The following ADPGK variants were observed in gnomAD, a reference collection of about 807,000 sequenced individuals.
ADPGK encodes ADP dependent glucokinase.
In ADPGK, 26 loss-of-function variants were observed where a neutral mutation model predicts 42.4. The observed-to-expected ratio is 0.61, with a 90% CI of 0.45 to 0.85. The LOEUF (loss-of-function observed/expected upper bound fraction) is 0.85, where lower values mean the gene tolerates loss of function less well. ADPGK is among the 40% of genes least tolerant of loss of function. ADPGK has a pLI of 0.00. For missense variants in ADPGK, 571 were observed against 627.0 expected, an observed-to-expected ratio of 0.91 and a Z score of 0.95; for synonymous variants, 267 against 252.6, an observed-to-expected ratio of 1.06 and a Z score of -0.54.
chr15:72,751,356 TACAG>T lies in ADPGK; in HGVS notation c.*981_*984del, dbSNP rs1394543418. 1 of 152,568 alleles carries T rather than the reference TACAG, an allele frequency of 6.6e-6. No individual in the cohort carries two copies. Among genetic ancestry groups the T allele is most frequent in the Non-Finnish European group, 1.5e-5 (1 of 68,038 alleles). 9.5% of individuals were successfully genotyped at this position (152,568 alleles called of 1,614,324 possible). A position where few individuals can be genotyped will look rare whatever the true frequency, so the allele number is the denominator to read the frequency against. On this transcript the variant is annotated 3_prime_UTR_variant, in exon 7 of 7. Coordinates refer to ENST00000456471, the MANE Select transcript of ADPGK (RefSeq NM_001365225.1). ...AGTGGTGATGGAGACAAAAATCAAT[TACAG>T]ACAGAATTCCTGAAATGTAAATTGT...
In ADPGK at chr15:72,764,500, A is replaced by C. The variant is rs529710279; in HGVS notation, c.523-3973T>G. ...AGCTGCAAAAGAAAAGTCAGAAGCT[A>C]GCAGAGGTTGGTTCATGAGGTTTAA... On this transcript the variant is annotated intron_variant, in intron 3 of 6. Transcript: ENST00000456471. Among the ~76,000 whole-genome samples, 5 of 152,336 alleles carry C rather than the reference A, an allele frequency of 3.3e-5. No individual in the cohort carries two copies. In the South Asian group the frequency reaches 8.3e-4, roughly 25 times the overall value.
chr15:72,778,982 G>A (rs1157639032), intron 1 of ADPGK, among the ~76,000 whole-genome samples: 1 of 152,150 alleles, frequency 6.6e-6, no homozygotes, highest in Non-Finnish European at 1.5e-5. Context: ...CAGCTGAGAA[G>A]AGTGAGGCCA....
Position 72,775,000 on chromosome 15 carries a change from A to T in ADPGK, c.331T>A (p.Ser111Thr). The T allele has an allele frequency of 6.2e-7, 1 of 1,614,150 alleles. No homozygotes were observed. Residue 111 changes from serine (S) to threonine (T), a missense_variant, in exon 2 of 7, where the codon TCA (serine) becomes ACA (threonine). Physicochemically the swap from Ser to Thr is moderately conservative, Grantham distance 58. Around this residue, in one of 2 missense-constraint regions of ADPGK, gnomAD observed 434 missense variants for 522.7 expected, o/e 0.83. Transcript: ENST00000456471. ...AAGGCTTCTTCCAGATCATTCCTTG[A>T]ATGCAGAATGCTGTGATCTTTCCCA... ...GNGKDHSILH[S>T]RNDLEEAFIH...
rs767421918 is a variant in ADPGK, at chr15:72,756,320, C to T, written c.771G>A (p.Leu257=). The T allele has an allele frequency of 4.3e-6, 7 of 1,614,220 alleles. No homozygotes were observed. The Admixed American group carries it at 1.0e-4, about 23-fold the overall frequency. The change falls in exon 5 of 7, where the codon CTG becomes CTA. Residue 257 remains leucine, a synonymous_variant. Transcript: ENST00000456471. Reference sequence around the variant, plus strand: ...TCATGTGCAATCCAGAGAGGACCACCAGGTCTGGCTGAAACTCCTCCAGGC... The same window carrying T: ...TCATGTGCAATCCAGAGAGGACCACTAGGTCTGGCTGAAACTCCTCCAGGC... The part of the protein sequence containing the change: ...VSSLEEFQPD[L]VVLSGLHMME...
intron 3 of ADPGK, among the ~76,000 whole-genome samples, chr15:72,763,814 C>T (rs1263231037): frequency 6.6e-6 from 1 of 152,214 alleles, no homozygotes; most frequent in African/African-American, 2.4e-5. Context: ...CATGTGCTCA[C>T]TTCGTGTCTC....
chr15:72,764,938 G>A (rs1427669536), intron 3 of ADPGK, among the ~76,000 whole-genome samples: 2 of 149,658 alleles, frequency 1.3e-5, no homozygotes, highest in Non-Finnish European at 2.9e-5. Flanking sequence ...CTGAATGACA[G>A]CATACCTATT....
At chr15:72,756,742 A>G in intron 4 of ADPGK, 1 of 437,692 alleles carries the variant, frequency 2.3e-6, no homozygotes. Flanking sequence ...TCTCAAACAC[A>G]GGAGAGACAG....
At chr15:72,770,108 G>A (rs2066310632) in intron 3 of ADPGK, among the ~76,000 whole-genome samples, 1 of 152,240 alleles carries the variant, frequency 6.6e-6, no homozygotes, top group Admixed American at 6.5e-5. Flanking sequence ...CTTTGAGAGT[G>A]CATACAGGGT....
At chr15:72,778,645 T>C (rs1418353533) in intron 1 of ADPGK, among the ~76,000 whole-genome samples, 1 of 152,206 alleles carries the variant, frequency 6.6e-6, no homozygotes, top group East Asian at 1.9e-4. Flanking sequence ...TTCTAGACCA[T>C]AAGTGCCTCT....
intron 3 of ADPGK, among the ~76,000 whole-genome samples, chr15:72,763,339 T>TTC (rs1491481162): frequency 0.035 from 4,666 of 133,550 alleles, 250 homozygotes; most frequent in African/African-American, 0.13. Flanking sequence ...TTTTTTTTTT[T>TTC]GTATTTTTAG....
At position 72,778,253 on chromosome 15, in the gene ADPGK, A is replaced by G. The variant is rs553517594; in HGVS notation, c.234-3156T>C. ...GAGAGAGCAAGACCCTGTCTCAAAA[A>G]AACACTGAACATCTACTACATGCCG... On this transcript the variant is annotated intron_variant, in intron 1 of 6. Coordinates refer to ENST00000456471, the MANE Select transcript of ADPGK (RefSeq NM_001365225.1). Among the ~76,000 whole-genome samples, 3 of 152,290 alleles carry G rather than the reference A, an allele frequency of 2.0e-5. No individual in the cohort carries two copies. In the South Asian group the frequency reaches 6.2e-4, roughly 32 times the overall value.
chr15:72,774,991 C>A lies in ADPGK; in HGVS notation c.340G>T (p.Asp114Tyr). The change falls in exon 2 of 7, where the codon GAT (aspartate) becomes TAT (tyrosine). Residue 114 changes from aspartate to tyrosine, a missense_variant. This residue lies in a region of ADPGK where 434 missense variants were observed against 522.7 expected (regional missense o/e 0.83). Coordinates refer to ENST00000456471, the MANE Select transcript of ADPGK (RefSeq NM_001365225.1). ...AAGTGAATGAAGGCTTCTTCCAGAT[C>A]ATTCCTTGAATGCAGAATGCTGTGA... is the stretch of plus-strand genomic sequence containing the variant. ...KDHSILHSRN[D>Y]LEEAFIHFMG... is the part of the protein sequence containing the mutation. 6.2e-7 allele frequency: 1 copy of A among 1,614,180 alleles called. No individual in the cohort carries two copies. Among genetic ancestry groups the A allele is most frequent in the South Asian group, 1.1e-5 (1 of 91,084 alleles).
intron 1 of ADPGK, among the ~76,000 whole-genome samples, chr15:72,781,757 G>A (rs2066460545): frequency 6.6e-6 from 1 of 152,132 alleles, no homozygotes; most frequent in African/African-American, 2.4e-5. Context: ...TAATTGTTAT[G>A]GATTGAATTG....
rs753051998 is a variant in ADPGK, at chr15:72,756,377, C to T, written c.714G>A (p.Gly238=). The change falls in exon 5 of 7, where the codon GGG becomes GGA. Residue 238 remains glycine, a synonymous_variant. Transcript: ENST00000456471. ...CAAACACCTCCAGCATATTCATGGC[C>T]CCGTTGGAGAGGTCGTGAGAGAAGA... ...RFIFSHDLSN[G]AMNMLEVFVS... 49 of 1,614,058 alleles carry T rather than the reference C, an allele frequency of 3.0e-5. No homozygotes were observed. The highest frequency in any genetic ancestry group is 3.8e-5 in the Non-Finnish European group (45 of 1,180,054).
At chr15:72,782,510 G>T (rs1461088634) in intron 1 of ADPGK, among the ~76,000 whole-genome samples, 1 of 108,600 alleles carries the variant, frequency 9.2e-6, no homozygotes, top group African/African-American at 3.6e-5. Flanking sequence ...AGGCGACAGA[G>T]AGAGAGACCC....
At position 72,775,114 on chromosome 15, in the gene ADPGK, A is replaced by C; in HGVS notation, c.234-17T>G. The C allele has an allele frequency of 6.2e-7, 1 of 1,607,286 alleles. No individual in the cohort carries two copies. The highest frequency in any genetic ancestry group is 8.5e-7 in the Non-Finnish European group (1 of 1,174,160). On this transcript the variant is annotated splice_polypyrimidine_tract_variant and intron_variant, in intron 1 of 6. Coordinates refer to ENST00000456471, the MANE Select transcript of ADPGK (RefSeq NM_001365225.1). ...GCATTGACTCTAGAAGGAGGAAAAAAACTGTGTGAAAGCAGCAGAAGCACC... is the reference window on the plus strand; with the variant it reads ...GCATTGACTCTAGAAGGAGGAAAAACACTGTGTGAAAGCAGCAGAAGCACC...
chr15:72,766,164 A>AT (rs996216738), intron 3 of ADPGK, among the ~76,000 whole-genome samples: 32 of 151,378 alleles, frequency 2.1e-4, no homozygotes, highest in South Asian at 8.4e-4. Context: ...ATTAAAAAAA[A>AT]TTTTTTTTTA....
At chr15:72,757,879 C>T in intron 4 of ADPGK, 1 of 543,304 alleles carries the variant, frequency 1.8e-6, no homozygotes, top group Non-Finnish European at 3.3e-6. Context: ...ATTGAAAATA[C>T]ACTGATTTCT....
intron 5 of ADPGK, 115 bp downstream of exon 5, chr15:72,756,136 A>G: frequency 7.6e-7 from 1 of 1,321,484 alleles, no homozygotes; most frequent in Non-Finnish European, 1.1e-6. Flanking sequence ...GCCAGCTGCC[A>G]AGATATGTCC....
Sources: allele counts gnomAD v4.1 joint callset (sites outside exome capture counted in the v4.1 genomes callset), GRCh38; gene constraint gnomAD v4.1.1; regional missense constraint gnomAD v4.1.1; transcripts MANE v1.5; gene names NCBI Gene and HGNC (gene_info 2026-07-23, HGNC 2026-07-21).